The following GABRG3 variants were observed in gnomAD, a reference collection of about 807,000 sequenced individuals.
GABRG3 encodes the protein gamma-aminobutyric acid type A receptor subunit gamma3, also known as gamma-aminobutyric acid receptor subunit gamma-3.
In GABRG3, 25 loss-of-function variants were observed where a neutral mutation model predicts 48.8. The observed-to-expected ratio is 0.51, with a 90% CI of 0.37 to 0.72. The LOEUF (loss-of-function observed/expected upper bound fraction) is 0.72. GABRG3 is among the 30% of genes least tolerant of loss of function. The pLI is 0.00. For synonymous variants in GABRG3, 227 were observed against 217.6 expected (o/e 1.04, Z -0.38); for missense variants, 394 against 577.9 (o/e 0.68, Z 3.26).
chr15:27,015,471 G>A (rs1895761967), intron 2 of GABRG3, among the ~76,000 whole-genome samples: 2 of 145,586 alleles, frequency 1.4e-5, no homozygotes, highest in Admixed American at 1.4e-4. Context: ...TGCAAGCTCC[G>A]CCTCCCGGGT....
At chr15:27,001,804 C>A (rs1895451636) in intron 2 of GABRG3, among the ~76,000 whole-genome samples, 1 of 151,020 alleles carries the variant, frequency 6.6e-6, no homozygotes, top group Admixed American at 6.6e-5. Context: ...GTCCTTGAAT[C>A]TGGATTAATC....
chr15:27,051,621 G>A (rs1896456961), intron 3 of GABRG3, among the ~76,000 whole-genome samples: 1 of 152,178 alleles, frequency 6.6e-6, no homozygotes, highest in Non-Finnish European at 1.5e-5. Context: ...TACCATCTAA[G>A]ACAGTAGTCC....
chr15:27,067,301 G>A (rs958492807), intron 3 of GABRG3, among the ~76,000 whole-genome samples: 24 of 152,280 alleles, frequency 1.6e-4, no homozygotes, highest in South Asian at 6.2e-4. Flanking sequence ...GTTTCACTAC[G>A]CAGCTGGCGG....
intron 3 of GABRG3, among the ~76,000 whole-genome samples, chr15:27,267,442 A>ATTTT (rs34989689): frequency 6.9e-6 from 1 of 145,032 alleles, no homozygotes; most frequent in African/African-American, 2.6e-5. Flanking sequence ...TAGCTCAAGG[A>ATTTT]TTTTTTTTTT....
At chr15:27,477,469 G>A (rs776512921) in intron 5 of GABRG3, among the ~76,000 whole-genome samples, 5 of 152,160 alleles carry the variant, frequency 3.3e-5, no homozygotes, top group Admixed American at 6.5e-5. Context: ...GGGCAGGAAA[G>A]ATACTCTGTA....
intron 5 of GABRG3, among the ~76,000 whole-genome samples, chr15:27,420,288 A>T (rs924329643): frequency 6.6e-6 from 1 of 152,258 alleles, no homozygotes; most frequent in African/African-American, 2.4e-5. Context: ...AAAGAAGAAA[A>T]TATGCTATCA....
chr15:27,314,960 A>G (rs372479428), intron 3 of GABRG3, among the ~76,000 whole-genome samples: 30 of 152,174 alleles, frequency 2.0e-4, no homozygotes, highest in East Asian at 7.7e-4. Flanking sequence ...TAAAAGATGA[A>G]TAAGTTCTCT....
chr15:27,151,140 A>G (rs560787123), intron 3 of GABRG3, among the ~76,000 whole-genome samples: 2 of 152,176 alleles, frequency 1.3e-5, no homozygotes, highest in Non-Finnish European at 2.9e-5. Context: ...ACTATACTAC[A>G]GTATCACAAC....
intron 3 of GABRG3, among the ~76,000 whole-genome samples, chr15:27,264,928 AAAAC>A (rs1478580509): frequency 7.9e-5 from 12 of 152,290 alleles, no homozygotes; most frequent in Admixed American, 2.0e-4. Flanking sequence ...AAAATTTAAA[AAAAC>A]AAAAACAACC....
rs1435786633 is a variant in GABRG3, at chr15:27,384,285, A to C, written c.574+55397A>C. Among the ~76,000 whole-genome samples the C allele has an allele frequency of 2.0e-5, 3 of 152,186 alleles. No homozygotes were observed. In the East Asian group the frequency reaches 5.8e-4, roughly 29 times the overall value. ...CAAGTTCTGGAGCTTTCCTTGATTA[A>C]ATGCAAATCATTGTGACTGGAAAAA... On this transcript the variant is annotated intron_variant, in intron 5 of 9. Coordinates refer to ENST00000615808, the MANE Select transcript of GABRG3 (RefSeq NM_033223.5).
At chr15:27,093,351 T>C (rs1003510946) in intron 3 of GABRG3, among the ~76,000 whole-genome samples, 4 of 152,186 alleles carry the variant, frequency 2.6e-5, no homozygotes, top group African/African-American at 9.7e-5. Context: ...AATGGGATGA[T>C]GATGATAATA....
At chr15:27,217,627 A>G (rs1889304431) in intron 3 of GABRG3, among the ~76,000 whole-genome samples, 1 of 151,626 alleles carries the variant, frequency 6.6e-6, no homozygotes, top group Admixed American at 6.6e-5. Context: ...ACCCTTTCTT[A>G]CTCCATGTAG....
chr15:27,512,573 A>G (rs1269541596), intron 6 of GABRG3, among the ~76,000 whole-genome samples: 6 of 152,248 alleles, frequency 3.9e-5, no homozygotes, highest in Non-Finnish European at 7.3e-5. Context: ...TCCCGAAAGT[A>G]GTCAACACTA....
chr15:27,386,943 T>C (rs1333467190), intron 5 of GABRG3, among the ~76,000 whole-genome samples: 1 of 152,218 alleles, frequency 6.6e-6, no homozygotes, highest in African/African-American at 2.4e-5. Flanking sequence ...TCTGGCTTCT[T>C]TTGACAATTT....
intron 3 of GABRG3, among the ~76,000 whole-genome samples, chr15:27,127,224 G>A (rs1360645576): frequency 6.6e-6 from 1 of 152,032 alleles, no homozygotes; most frequent in Non-Finnish European, 1.5e-5. Context: ...CTGATGGGAT[G>A]AATAGATAAA....
Position 27,313,192 on chromosome 15 carries a change from ATG to A in GABRG3, c.271-13613_271-13612del, listed in dbSNP as rs1285332403. Among the ~76,000 whole-genome samples, 41 of 139,536 alleles carry A rather than the reference ATG, an allele frequency of 2.9e-4. 1 individual carries two copies. The highest frequency in any genetic ancestry group is 5.3e-4 in the Non-Finnish European group (35 of 65,598). 91.5% of individuals were successfully genotyped at this position (139,536 alleles called of 152,430 possible). A position where few individuals can be genotyped will look rare whatever the true frequency, so the allele number is the denominator to read the frequency against. On this transcript the variant is annotated intron_variant, in intron 3 of 9. Transcript: ENST00000615808. ...ATTCAGCAGAAACATATATATATAT[ATG>A]TGTATATATATATATGTATATGTAT...
At chr15:27,184,510 G>A (rs1888032306) in intron 3 of GABRG3, among the ~76,000 whole-genome samples, 1 of 152,256 alleles carries the variant, frequency 6.6e-6, no homozygotes, top group South Asian at 2.1e-4. Context: ...TATAGATATA[G>A]TTATTGGTCT....
At chr15:27,338,216 G>A (rs539339703) in intron 5 of GABRG3, among the ~76,000 whole-genome samples, 8 of 152,124 alleles carry the variant, frequency 5.3e-5, no homozygotes, top group Non-Finnish European at 1.5e-5. Context: ...GGAAACACAT[G>A]TCCGCATCAC....
At chr15:27,301,018 G>A (rs1892187251) in intron 3 of GABRG3, among the ~76,000 whole-genome samples, 1 of 152,022 alleles carries the variant, frequency 6.6e-6, no homozygotes, top group Non-Finnish European at 1.5e-5. Flanking sequence ...GTGGGGGAAT[G>A]GAGATGACAT....
Sources: allele counts gnomAD v4.1 joint callset (sites outside exome capture counted in the v4.1 genomes callset), GRCh38; gene constraint gnomAD v4.1.1; transcripts MANE v1.5; gene names NCBI Gene and HGNC (gene_info 2026-07-23, HGNC 2026-07-21).